The following EP400 variants were observed in gnomAD, a reference collection of about 807,000 sequenced individuals.
EP400 encodes E1A-binding protein p400.
A neutral mutation model predicts 354.1 loss-of-function variants in EP400; 105 were observed. That is an observed-to-expected ratio of 0.30 (90% CI 0.25 to 0.35). The LOEUF is 0.35. Ranked by LOEUF, EP400 falls within the 10% of genes least tolerant of loss-of-function variation. The pLI, the probability that EP400 is intolerant of heterozygous loss-of-function variation, is 1.00. For missense variants in EP400, 3,280 were observed against 4,121.0 expected, an observed-to-expected ratio of 0.80 and a Z score of 5.59; for synonymous variants, 1,646 against 1,716.9, an observed-to-expected ratio of 0.96 and a Z score of 1.02.
In EP400 at chr12:132,044,179, C is replaced by T. The variant is rs61944617; in HGVS notation, c.6453C>T (p.Asp2151=). Residue 2151 remains aspartate, a splice_region_variant and synonymous_variant, in exon 35 of 53, where the codon GAC becomes GAT. Transcript: ENST00000389561. The part of the protein sequence containing the change: ...IEQEKERNSE[D]AVMTAVRAWE... Reference sequence around the variant, plus strand: ...GTTCTTGCTGCTCTCCCCGTCAGGACGCAGTGATGACTGCAGTGAGGGCAT... The same window carrying T: ...GTTCTTGCTGCTCTCCCCGTCAGGATGCAGTGATGACTGCAGTGAGGGCAT... The T allele has an allele frequency of 5.8e-3, 9,310 of 1,614,020 alleles. 92 individuals carry two copies. Among genetic ancestry groups the T allele is most frequent in the South Asian group, 0.027 (2,417 of 91,070 alleles).
At chr12:132,071,840 C>T (rs1012850708) in intron 51 of EP400, among the ~76,000 whole-genome samples, 1 of 152,190 alleles carries the variant, frequency 6.6e-6, no homozygotes, top group Non-Finnish European at 1.5e-5. Context: ...TGTATTATCA[C>T]CTTCAACAAA....
chr12:132,021,159 G>A lies in EP400; in HGVS notation c.4528G>A (p.Ala1510Thr), dbSNP rs753578754. ...HQPASASSTA[A>T]SPAHPAKLRA... ...GCCCGCCTCGGCCTCCAGCACAGCC[G>A]CTAGCCCGGCCCATCCTGCGAAACT... Residue 1510 changes from alanine (A) to threonine (T), a missense_variant, in exon 23 of 53, where the codon GCT (alanine) becomes ACT (threonine). By Grantham distance (58) the Ala-to-Thr change is moderately conservative (BLOSUM62 0). Around this residue, in one of 20 missense-constraint regions of EP400, gnomAD observed 342 missense variants for 342.7 expected, o/e 1.00. Coordinates refer to ENST00000389561, the MANE Select transcript of EP400 (RefSeq NM_015409.5). 17 of 1,600,742 alleles carry A rather than the reference G, an allele frequency of 1.1e-5. No homozygotes were observed. The highest frequency in any genetic ancestry group is 8.3e-5 in the Admixed American group (5 of 59,966).
intron 39 of EP400, among the ~76,000 whole-genome samples, chr12:132,046,243 C>T (rs1475941150): frequency 1.3e-5 from 2 of 152,124 alleles, no homozygotes; most frequent in Non-Finnish European, 2.9e-5. Context: ...GAATACTTGG[C>T]CATATATATA....
At chr12:131,996,328 G>A (rs1893216326) in intron 12 of EP400, among the ~76,000 whole-genome samples, 2 of 142,008 alleles carry the variant, frequency 1.4e-5, no homozygotes, top group East Asian at 2.0e-4. Flanking sequence ...GAGTCTCGCT[G>A]TCACCCAGGC....
At position 131,979,688 on chromosome 12, in the gene EP400, T is replaced by A; in HGVS notation, c.1336-6T>A. The A allele has an allele frequency of 1.2e-6, 2 of 1,601,518 alleles. No individual in the cohort carries two copies. The highest frequency in any genetic ancestry group is 4.5e-5 in the East Asian group (2 of 44,288). ...CAAAATCTCATTTTTTCATCTTTTT[T>A]CCCAGCAGCAAGCCCTCGCAGGGAG... On this transcript the variant is annotated splice_region_variant and splice_polypyrimidine_tract_variant and intron_variant, in intron 2 of 52. Transcript: ENST00000389561.
intron 41 of EP400, 122 bp from the exon 42 acceptor site, chr12:132,053,024 C>T (rs1159249004): frequency 8.9e-6 from 9 of 1,009,930 alleles, no homozygotes; most frequent in East Asian, 4.8e-5. Context: ...CCTTGCTTTA[C>T]GCCCTCATCT....
rs1896320706 is a variant in EP400 at position 132,079,329 on chromosome 12, T to A, written c.*1656T>A. On this transcript the variant is annotated 3_prime_UTR_variant, in exon 53 of 53. Coordinates refer to ENST00000389561, the MANE Select transcript of EP400 (RefSeq NM_015409.5). Reference sequence around the variant, plus strand: ...AACATACCAAAGCAGAGGACTGGAATCTGTTTGTTCTAACCAACCCGTTCT... The same window carrying A: ...AACATACCAAAGCAGAGGACTGGAAACTGTTTGTTCTAACCAACCCGTTCT... The A allele has an allele frequency of 1.3e-5, 2 of 152,262 alleles. No homozygotes were observed. The highest frequency in any genetic ancestry group is 2.9e-5 in the Non-Finnish European group (2 of 68,044). 9.4% of individuals were successfully genotyped at this position (152,262 alleles called of 1,614,324 possible).
chr12:132,051,599 G>A (rs972880274), intron 41 of EP400, among the ~76,000 whole-genome samples: 4 of 152,162 alleles, frequency 2.6e-5, no homozygotes, highest in South Asian at 4.1e-4. Flanking sequence ...TCTGCTTATC[G>A]GAGACTTTTA....
intron 12 of EP400, among the ~76,000 whole-genome samples, chr12:132,002,463 CTGTGGGGCAGAGTTTGGGAG>C (rs1354734101): frequency 2.0e-5 from 3 of 152,014 alleles, no homozygotes; most frequent in Non-Finnish European, 4.4e-5. Context: ...GCTGTATACT[CTGTGGGGCAGAGTTTGGGAG>C]CAGCCTTGCT....
chr12:132,067,165 C>A lies in EP400; in HGVS notation c.8749+196C>A. ...GGTCCTCAATTGAACTGTTAACATT[C>A]TGAAATTTCCGTCTTAATTTAAGTG... On this transcript the variant is annotated intron_variant, in intron 49 of 52. Coordinates refer to ENST00000389561, the MANE Select transcript of EP400 (RefSeq NM_015409.5). The surrounding 1 kb of genome is among the most constrained non-coding windows in gnomAD (Gnocchi z 5.3). 1 of 1,151,268 alleles carries A rather than the reference C, an allele frequency of 8.7e-7. No individual in the cohort carries two copies. The highest frequency in any genetic ancestry group is 1.2e-6 in the Non-Finnish European group (1 of 828,562). The allele number at this position is 1,151,268 out of a possible 1,614,324, so 71.3% of individuals were successfully genotyped here. A position where few individuals can be genotyped will look rare whatever the true frequency, so the allele number is the denominator to read the frequency against.
At chr12:132,012,387 A>AT (rs1893795777) in intron 16 of EP400, among the ~76,000 whole-genome samples, 2 of 152,204 alleles carry the variant, frequency 1.3e-5, no homozygotes, top group African/African-American at 4.8e-5. Context: ...CGCTTCCCAG[A>AT]TGGGGCCTTG....
intron 6 of EP400, 31 bp downstream of exon 6, chr12:131,986,838 A>G (rs1380109463): frequency 1.3e-6 from 2 of 1,565,858 alleles, no homozygotes; most frequent in Non-Finnish European, 1.7e-6. Flanking sequence ...TGTAAAATGT[A>G]CTCCAGTTGG....
At chr12:131,950,695 C>T (rs1891443643) in intron 1 of EP400, among the ~76,000 whole-genome samples, 1 of 152,222 alleles carries the variant, frequency 6.6e-6, no homozygotes, top group Admixed American at 6.5e-5. Context: ...CTGCGGCCCA[C>T]GGGCTTCTGC....
intron 45 of EP400, among the ~76,000 whole-genome samples, chr12:132,059,309 C>T (rs1895611912): frequency 6.6e-6 from 1 of 152,054 alleles, no homozygotes; most frequent in East Asian, 1.9e-4. Flanking sequence ...ATCCATCTGC[C>T]CTTGGCCTTC....
intron 51 of EP400, among the ~76,000 whole-genome samples, chr12:132,074,447 G>T (rs938118920): frequency 6.6e-6 from 1 of 152,090 alleles, no homozygotes. Flanking sequence ...TGTCTTTGTT[G>T]TTCTGGGTCA....
chr12:132,028,254 C>T lies in EP400; in HGVS notation c.5347C>T (p.Arg1783Trp), dbSNP rs774583477. 3.7e-6 allele frequency: 6 copies of T among 1,614,124 alleles called. No individual in the cohort carries two copies. Among genetic ancestry groups the T allele is most frequent in the Admixed American group, 1.7e-5 (1 of 60,024 alleles). ...AAGTGAGCTGATGTTGACGCTTTGTCGGTGTGGAGAGTCTCTGCAGGATGT... is the reference window on the plus strand; with the variant it reads ...AAGTGAGCTGATGTTGACGCTTTGTTGGTGTGGAGAGTCTCTGCAGGATGT... The part of the protein sequence containing the change: ...SPSELMLTLC[R>W]CGESLQDVID... Residue 1783 changes from arginine to tryptophan, a missense_variant, in exon 27 of 53, where the codon CGG becomes TGG. Physicochemically the swap from Arg to Trp is moderately radical, Grantham distance 101 (BLOSUM62 -3). Coordinates refer to ENST00000389561, the MANE Select transcript of EP400 (RefSeq NM_015409.5).
chr12:131,973,525 C>G (rs566956788), intron 2 of EP400, among the ~76,000 whole-genome samples: 1 of 152,182 alleles, frequency 6.6e-6, no homozygotes, highest in Non-Finnish European at 1.5e-5. Flanking sequence ...TTCCCGTACT[C>G]CCAGCTACTT....
chr12:131,982,542 TAGAC>T (rs1387361904), intron 5 of EP400, 64 bp downstream of exon 5: 11 of 1,526,898 alleles, frequency 7.2e-6, no homozygotes, highest in Admixed American at 2.1e-5. Flanking sequence ...ACCTGTGTGT[TAGAC>T]AGAGTGTCAC....
intron 37 of EP400, 131 bp from the exon 38 acceptor site, chr12:132,045,188 T>C (rs933437061): frequency 2.1e-6 from 3 of 1,445,144 alleles, no homozygotes; most frequent in Non-Finnish European, 2.8e-6. Context: ...AGGTCTGTCT[T>C]TGGCAGGTGC....
Sources: allele counts gnomAD v4.1 joint callset (sites outside exome capture counted in the v4.1 genomes callset), GRCh38; gene constraint gnomAD v4.1.1; regional missense constraint gnomAD v4.1.1; non-coding constraint Gnocchi (gnomAD v3.1); transcripts MANE v1.5; gene names NCBI Gene and HGNC (gene_info 2026-07-23, HGNC 2026-07-21).